The following RALYL variants were observed in gnomAD, a reference collection of about 807,000 sequenced individuals.
The protein encoded by RALYL is RNA-binding Raly-like protein.
In RALYL, 29 loss-of-function variants were observed where a neutral mutation model predicts 35.1. The ratio of observed to expected loss-of-function variants is 0.83; its 90% CI spans 0.61 to 1.13. RALYL has a LOEUF of 1.13. Ranked by LOEUF, RALYL falls within the 50% of genes most tolerant of loss-of-function variation. The pLI, the probability that RALYL is intolerant of heterozygous loss-of-function variation, is 0.00. For missense variants in RALYL, 359 were observed against 360.4 expected (o/e 1.00, Z 0.03); for synonymous variants, 120 against 127.6 (o/e 0.94, Z 0.40).
At chr8:84,213,673 G>A (rs1820087328) in intron 1 of RALYL, among the ~76,000 whole-genome samples, 1 of 152,140 alleles carries the variant, frequency 6.6e-6, no homozygotes, top group South Asian at 2.1e-4. Context: ...TACAGAATAT[G>A]TGTTACATAA....
chr8:84,410,988 A>G (rs1434606721), intron 1 of RALYL, among the ~76,000 whole-genome samples: 1 of 151,862 alleles, frequency 6.6e-6, no homozygotes, highest in Non-Finnish European at 1.5e-5. Context: ...TTCTTTCAAA[A>G]GCACCCAAGA....
In RALYL at chr8:84,593,428, C is replaced by G. The variant is rs374333993; in HGVS notation, c.256+63851C>G. ...TCTGGCTGACACTAAACACTGTGATCTCTATTTGGGAAGAATTTTCAAAAA... is the reference window on the plus strand; with the variant it reads ...TCTGGCTGACACTAAACACTGTGATGTCTATTTGGGAAGAATTTTCAAAAA... On this transcript the variant is annotated intron_variant, in intron 2 of 8. Coordinates refer to ENST00000521268, the MANE Select transcript of RALYL (RefSeq NM_173848.7). 1.4e-3 allele frequency among the ~76,000 whole-genome samples: 209 copies of G among 152,182 alleles called. 11 individuals carry two copies. In the South Asian group the frequency reaches 0.04, roughly 29 times the overall value.
At chr8:84,195,355 G>A (rs1814998178) in intron 1 of RALYL, among the ~76,000 whole-genome samples, 1 of 152,074 alleles carries the variant, frequency 6.6e-6, no homozygotes. Context: ...AAGGAGAATT[G>A]TTTGAACCTG....
At chr8:84,800,557 T>C (rs1486949328) in intron 3 of RALYL, among the ~76,000 whole-genome samples, 1 of 152,220 alleles carries the variant, frequency 6.6e-6, no homozygotes, top group Non-Finnish European at 1.5e-5. Context: ...TTGTTTATCT[T>C]ATTCTACTCC....
At chr8:84,789,264 A>T (rs1820252490) in intron 3 of RALYL, among the ~76,000 whole-genome samples, 1 of 152,186 alleles carries the variant, frequency 6.6e-6, no homozygotes, top group African/African-American at 2.4e-5. Context: ...TTGAAAAGGA[A>T]ACAGAAGATG....
chr8:84,425,725 A>G (rs1171691958), intron 1 of RALYL, among the ~76,000 whole-genome samples: 1 of 151,938 alleles, frequency 6.6e-6, no homozygotes, highest in African/African-American at 2.4e-5. Flanking sequence ...CAGAAACATG[A>G]TCAATCCAAC....
At chr8:84,766,146 A>C (rs1214655316) in intron 2 of RALYL, among the ~76,000 whole-genome samples, 4 of 152,152 alleles carry the variant, frequency 2.6e-5, no homozygotes, top group Non-Finnish European at 5.9e-5. Flanking sequence ...CAAATAAATA[A>C]ATATAAAATA....
At chr8:84,641,035 A>G (rs533479162) in intron 2 of RALYL, among the ~76,000 whole-genome samples, 195 of 151,672 alleles carry the variant, frequency 1.3e-3, no homozygotes, top group African/African-American at 4.5e-3. Flanking sequence ...CTTGTATTAC[A>G]TTTTCCTCTT....
At chr8:84,601,722 G>GA (rs566281823) in intron 2 of RALYL, among the ~76,000 whole-genome samples, 375 of 150,884 alleles carry the variant, frequency 2.5e-3, no homozygotes, top group African/African-American at 5.4e-3. Flanking sequence ...ATTGTTAGGA[G>GA]AAAAAAAAAC....
At chr8:84,324,200 T>A (rs144531697) in intron 1 of RALYL, among the ~76,000 whole-genome samples, 8 of 152,202 alleles carry the variant, frequency 5.3e-5, no homozygotes, top group African/African-American at 1.9e-4. Flanking sequence ...TTCAACTAAA[T>A]AGACTGGTTA....
intron 2 of RALYL, among the ~76,000 whole-genome samples, chr8:84,690,080 G>C (rs1012609813): frequency 6.6e-6 from 1 of 152,028 alleles, no homozygotes; most frequent in Non-Finnish European, 1.5e-5. Context: ...TCACTCCTCT[G>C]TTCATTGCAG....
chr8:84,435,901 G>T (rs965914429), intron 1 of RALYL, among the ~76,000 whole-genome samples: 1 of 152,084 alleles, frequency 6.6e-6, no homozygotes, highest in Non-Finnish European at 1.5e-5. Context: ...TGCAGGATTG[G>T]ATAGAAAGGA....
chr8:84,325,175 G>A (rs1845575583), intron 1 of RALYL, among the ~76,000 whole-genome samples: 1 of 152,086 alleles, frequency 6.6e-6, no homozygotes, highest in African/African-American at 2.4e-5. Context: ...TGGGGAGAGG[G>A]CACCTCACAA....
chr8:84,393,393 A>C (rs888874006), intron 1 of RALYL, among the ~76,000 whole-genome samples: 3 of 152,066 alleles, frequency 2.0e-5, no homozygotes, highest in Admixed American at 1.3e-4. Context: ...CCTTCATCAA[A>C]GAGTGCAGGC....
intron 3 of RALYL, among the ~76,000 whole-genome samples, chr8:84,800,234 A>T (rs1252628863): frequency 6.6e-6 from 1 of 152,176 alleles, no homozygotes; most frequent in Non-Finnish European, 1.5e-5. Context: ...TGACACATGA[A>T]CTTTAGAGTC....
chr8:84,469,811 T>C (rs1190714821), intron 1 of RALYL, among the ~76,000 whole-genome samples: 1 of 143,230 alleles, frequency 7.0e-6, no homozygotes, highest in Non-Finnish European at 1.6e-5. Context: ...CATAGGACCC[T>C]CCGAGCCAGG....
chr8:84,674,666 G>T (rs1002591804), intron 2 of RALYL, among the ~76,000 whole-genome samples: 10 of 152,042 alleles, frequency 6.6e-5, no homozygotes, highest in Admixed American at 6.6e-4. Flanking sequence ...TCTCATCAAG[G>T]CTGTATAATC....
chr8:84,381,619 A>G (rs16912769), intron 1 of RALYL, among the ~76,000 whole-genome samples: 2,511 of 151,974 alleles, frequency 0.017, 68 homozygotes, highest in African/African-American at 0.057. Context: ...ATTTCTATCA[A>G]GTTCTTTGAA....
chr8:84,887,768 C>A lies in RALYL; in HGVS notation c.850C>A (p.His284Asn). 1 of 1,611,636 alleles carries A rather than the reference C, an allele frequency of 6.2e-7. No homozygotes were observed. The highest frequency in any genetic ancestry group is 8.5e-7 in the Non-Finnish European group (1 of 1,179,020). Reference sequence around the variant, plus strand: ...GGAGGACTTCGATGAAGATGGGGGTCATGAGCTGGTAGGAAAGAAACATTT... The same window carrying A: ...GGAGGACTTCGATGAAGATGGGGGTAATGAGCTGGTAGGAAAGAAACATTT... ...IEEDFDEDGG[H>N]ELFLQIK The change falls in exon 8 of 9, where the codon CAT becomes AAT. Residue 284 changes from histidine to asparagine, a missense_variant. His to Asn is a moderately conservative substitution (Grantham distance 68). Transcript: ENST00000521268.
Sources: allele counts gnomAD v4.1 joint callset (sites outside exome capture counted in the v4.1 genomes callset), GRCh38; gene constraint gnomAD v4.1.1; transcripts MANE v1.5; gene names NCBI Gene and HGNC (gene_info 2026-07-23, HGNC 2026-07-21).